The following KIF3B variants were observed in gnomAD, a reference collection of about 807,000 sequenced individuals.
The protein encoded by KIF3B is kinesin family member 3B.
KIF3B carries 38 observed loss-of-function variants against 74.3 expected under a neutral mutation model. The observed-to-expected ratio is 0.51, with a 90% CI of 0.39 to 0.67. KIF3B has a LOEUF of 0.67. KIF3B is among the 30% of genes least tolerant of loss of function. The probability of loss-of-function intolerance (pLI) is 0.00; values close to 1 mark genes in which losing one functional copy is unlikely to be tolerated. For synonymous variants in KIF3B, 326 were observed against 342.5 expected, an observed-to-expected ratio of 0.95 and a Z score of 0.53; for missense variants, 649 against 932.0, an observed-to-expected ratio of 0.70 and a Z score of 3.95.
At chr20:32,317,384 C>G (rs1363411959) in intron 5 of KIF3B, among the ~76,000 whole-genome samples, 1 of 152,180 alleles carries the variant, frequency 6.6e-6, no homozygotes, top group Admixed American at 6.5e-5. Context: ...AAGTTCCCTT[C>G]TAACCCTACC....
At position 32,310,790 on chromosome 20, in the gene KIF3B, A is replaced by G. The variant is rs1569201044; in HGVS notation, c.1013A>G (p.Lys338Arg). ...LTTLRYANRA[K>R]NIKNKPRVNE... ...ACTCTGCGATATGCCAACCGTGCCA[A>G]AAACATTAAGAACAAACCAAGGGTC... Residue 338 changes from lysine (K) to arginine (R), a missense_variant, in exon 2 of 9, where the codon AAA becomes AGA. Coordinates refer to ENST00000375712, the MANE Select transcript of KIF3B (RefSeq NM_004798.4). This position sits in a 1 kb window ranked among gnomAD's most constrained non-coding sequence, Gnocchi z 6.5. The G allele has an allele frequency of 1.2e-6, 2 of 1,614,184 alleles. No homozygotes were observed. Among genetic ancestry groups the G allele is most frequent in the Non-Finnish European group, 8.5e-7 (1 of 1,180,026 alleles).
At chr20:32,313,585 T>C (rs2047812506) in intron 2 of KIF3B, among the ~76,000 whole-genome samples, 1 of 152,178 alleles carries the variant, frequency 6.6e-6, no homozygotes, top group African/African-American at 2.4e-5. Context: ...AATGGAGTCG[T>C]ATACAACACA....
At chr20:32,289,890 CAG>C (rs1315948931) in intron 1 of KIF3B, among the ~76,000 whole-genome samples, 3 of 152,164 alleles carry the variant, frequency 2.0e-5, no homozygotes, top group Non-Finnish European at 4.4e-5. Context: ...CTTATTAACT[CAG>C]TGTGCCATGT....
intron 1 of KIF3B, among the ~76,000 whole-genome samples, chr20:32,299,658 G>A (rs536877386): frequency 2.3e-4 from 35 of 151,036 alleles, no homozygotes; most frequent in South Asian, 1.7e-3. Context: ...ATGATCCTCC[G>A]GCGTCAGCCT....
At chr20:32,283,558 T>G (rs1381881602) in intron 1 of KIF3B, among the ~76,000 whole-genome samples, 1 of 147,436 alleles carries the variant, frequency 6.8e-6, no homozygotes. Flanking sequence ...ACCTGTAATC[T>G]CAGCACTTTG....
chr20:32,312,652 C>CT (rs1485011196), intron 2 of KIF3B, among the ~76,000 whole-genome samples: 3 of 152,162 alleles, frequency 2.0e-5, no homozygotes, highest in Non-Finnish European at 4.4e-5. Context: ...ATGCCTGAAG[C>CT]TGTGGTTCAC....
chr20:32,291,846 A>T (rs2047692821), intron 1 of KIF3B, among the ~76,000 whole-genome samples: 1 of 151,816 alleles, frequency 6.6e-6, no homozygotes, highest in Non-Finnish European at 1.5e-5. Flanking sequence ...TGAACTCCTG[A>T]CCTCGAGTGA....
intron 5 of KIF3B, among the ~76,000 whole-genome samples, chr20:32,324,279 A>G (rs769200393): frequency 2.6e-5 from 4 of 152,142 alleles, no homozygotes; most frequent in Non-Finnish European, 4.4e-5. Context: ...TTAAAAATTA[A>G]TGATGTCTGA....
chr20:32,327,311 G>A (rs180731125), intron 6 of KIF3B, among the ~76,000 whole-genome samples: 2 of 152,268 alleles, frequency 1.3e-5, no homozygotes, highest in African/African-American at 4.8e-5. Flanking sequence ...GGTGGGGGGT[G>A]TTGACAGCTA....
At chr20:32,324,398 AC>A (rs2047892656) in intron 5 of KIF3B, among the ~76,000 whole-genome samples, 1 of 152,192 alleles carries the variant, frequency 6.6e-6, no homozygotes, top group Non-Finnish European at 1.5e-5. Context: ...GCTGGGTATC[AC>A]ACCCGGAGTC....
chr20:32,305,722 A>C (rs538488945), intron 1 of KIF3B, among the ~76,000 whole-genome samples: 68 of 151,154 alleles, frequency 4.5e-4, no homozygotes, highest in Middle Eastern at 3.4e-3. Flanking sequence ...TTACAGGCAC[A>C]TGCCACCATG....
At chr20:32,296,338 A>C (rs1463899877) in intron 1 of KIF3B, among the ~76,000 whole-genome samples, 2 of 151,944 alleles carry the variant, frequency 1.3e-5, no homozygotes, top group African/African-American at 2.4e-5. Context: ...AACTCAAGAG[A>C]TATTAAAGGG....
intron 1 of KIF3B, among the ~76,000 whole-genome samples, chr20:32,302,299 C>T (rs1186558880): frequency 6.6e-6 from 1 of 152,160 alleles, no homozygotes; most frequent in African/African-American, 2.4e-5. Flanking sequence ...TTCAGTCTAG[C>T]TGGGTGAGTT....
chr20:32,281,914 A>G (rs2047644960), intron 1 of KIF3B, among the ~76,000 whole-genome samples: 1 of 152,132 alleles, frequency 6.6e-6, no homozygotes, highest in South Asian at 2.1e-4. Context: ...AATGGCAGGG[A>G]CAGGTGAGTC....
At chr20:32,286,196 C>G (rs895720457) in intron 1 of KIF3B, among the ~76,000 whole-genome samples, 1 of 152,172 alleles carries the variant, frequency 6.6e-6, no homozygotes, top group Non-Finnish European at 1.5e-5. Flanking sequence ...TGGGACTTAA[C>G]CACTCTGGAG....
At chr20:32,317,658 G>A (rs1196743822) in intron 5 of KIF3B, among the ~76,000 whole-genome samples, 8 of 139,536 alleles carry the variant, frequency 5.7e-5, no homozygotes, top group Admixed American at 5.0e-4. Flanking sequence ...TTTTTTTTGA[G>A]ACAGAGTTTT....
chr20:32,302,838 G>A (rs2047750804), intron 1 of KIF3B, among the ~76,000 whole-genome samples: 2 of 152,122 alleles, frequency 1.3e-5, no homozygotes, highest in South Asian at 2.1e-4. Context: ...ATGAAAAGAC[G>A]CAGGAAACTG....
chr20:32,297,701 T>C (rs961266346), intron 1 of KIF3B, among the ~76,000 whole-genome samples: 1 of 152,084 alleles, frequency 6.6e-6, no homozygotes, highest in Non-Finnish European at 1.5e-5. Flanking sequence ...ATGCTAGATA[T>C]GAAACAGGAG....
intron 1 of KIF3B, among the ~76,000 whole-genome samples, chr20:32,279,807 CCCT>C (rs1569184323): frequency 6.6e-6 from 1 of 152,168 alleles, no homozygotes; most frequent in Non-Finnish European, 1.5e-5. Flanking sequence ...GTCCCTCATT[CCCT>C]CCTCATTAAA....
Sources: gnomAD v4.1 joint callset for allele counts (sites outside exome capture counted in the v4.1 genomes callset) on GRCh38, gnomAD v4.1.1 for gene constraint, Gnocchi (gnomAD v3.1) non-coding constraint, MANE v1.5 for transcripts, NCBI Gene and HGNC (gene_info 2026-07-23, HGNC 2026-07-21) for gene names.